Variants in UIMC1 observed in about 807,000 individuals in gnomAD.
UIMC1 encodes the protein BRCA1-A complex subunit RAP80.
UIMC1 carries 42 observed loss-of-function variants against 84.9 expected under a neutral mutation model. That is an observed-to-expected ratio of 0.49 (90% CI 0.39 to 0.64). UIMC1 has a LOEUF of 0.64. Ranked by LOEUF, UIMC1 falls within the 30% of genes least tolerant of loss-of-function variation. The probability of loss-of-function intolerance (pLI) is 0.00; values close to 1 mark genes in which losing one functional copy is unlikely to be tolerated. For missense variants in UIMC1, 825 were observed against 847.6 expected, an observed-to-expected ratio of 0.97 and a Z score of 0.33; for synonymous variants, 281 against 293.0, an observed-to-expected ratio of 0.96 and a Z score of 0.42.
chr5:176,910,772 C>T, intron 11 of UIMC1, among the ~76,000 whole-genome samples: 1 of 152,102 alleles, frequency 6.6e-6, no homozygotes, highest in African/African-American at 2.4e-5. Context: ...AGGCCACCTA[C>T]ACTGACAGAG....
intron 2 of UIMC1, 123 bp from the exon 3 acceptor site, chr5:176,975,603 C>T: frequency 1.2e-6 from 1 of 838,790 alleles, no homozygotes; most frequent in Non-Finnish European, 1.9e-6. Flanking sequence ...TAAATATGCA[C>T]ATAAAACATT....
At position 176,906,811 on chromosome 5, in the gene UIMC1, C is replaced by G. The variant is rs570510995; in HGVS notation, c.1912+303G>C. Among the ~76,000 whole-genome samples, 45 of 152,282 alleles carry G rather than the reference C, an allele frequency of 3.0e-4. 1 individual carries two copies. The South Asian group carries it at 7.1e-3, about 24-fold the overall frequency. On this transcript the variant is annotated intron_variant, in intron 13 of 14. Transcript: ENST00000511320. ...GCACATCTAGTTTACTGTGCCTGTT[C>G]CTTTAGAAGGTATACTTGGGGCTTG...
intron 1 of UIMC1, among the ~76,000 whole-genome samples, chr5:177,004,489 T>C (rs1363610424): frequency 6.6e-6 from 1 of 152,208 alleles, no homozygotes; most frequent in African/African-American, 2.4e-5. Context: ...CTCACTAAAA[T>C]AATGGTCTAT....
At chr5:176,943,633 T>C (rs1764726001) in intron 9 of UIMC1, 145 bp from the exon 10 acceptor site, 1 of 1,007,308 alleles carries the variant, frequency 9.9e-7, no homozygotes. Context: ...GATTGAGAGA[T>C]ACTACTGATA....
chr5:176,969,059 C>CT lies in UIMC1; in HGVS notation c.695dup (p.Pro233AlafsTer18). On this transcript the variant is annotated frameshift_variant, in exon 6 of 15. Coordinates refer to ENST00000511320, the MANE Select transcript of UIMC1 (RefSeq NM_001199298.2). LOFTEE classifies it high-confidence loss of function. Reference sequence around the variant, plus strand: ...AACCCCTCCCAGTACTTTCCTGTGGCTTCCCACACTGTGTGTGCTCAGCCG... The same window carrying CT: ...AACCCCTCCCAGTACTTTCCTGTGGCTTTCCCACACTGTGTGTGCTCAGCCG... The CT allele has an allele frequency of 6.2e-7, 1 of 1,614,228 alleles. No individual in the cohort carries two copies. Among genetic ancestry groups the CT allele is most frequent in the Non-Finnish European group, 8.5e-7 (1 of 1,180,034 alleles).
chr5:176,917,005 A>C (rs1204604699), intron 10 of UIMC1, among the ~76,000 whole-genome samples: 1 of 152,232 alleles, frequency 6.6e-6, no homozygotes, highest in Non-Finnish European at 1.5e-5. Flanking sequence ...TATATATACA[A>C]AGAAGGGAGT....
upstream of UIMC1, among the ~76,000 whole-genome samples, chr5:177,009,795 G>T (rs1230193766): frequency 1.3e-5 from 2 of 152,008 alleles, no homozygotes; most frequent in African/African-American, 4.8e-5. The surrounding 1 kb of genome is among the most constrained non-coding windows in gnomAD (Gnocchi z 4.3). Context: ...AGCATTTTGG[G>T]AGGCCGAGGC....
chr5:176,917,619 T>C (rs181524952), intron 10 of UIMC1, among the ~76,000 whole-genome samples: 6 of 152,278 alleles, frequency 3.9e-5, no homozygotes, highest in Non-Finnish European at 8.8e-5. Context: ...TATCAGTTTC[T>C]GAGACATGTG....
chr5:176,950,237 C>A (rs1233998671), intron 9 of UIMC1, among the ~76,000 whole-genome samples: 1 of 150,336 alleles, frequency 6.7e-6, no homozygotes, highest in East Asian at 2.1e-4. Context: ...ATAGCTGAGA[C>A]TACAGATGCG....
chr5:176,963,411 C>T (rs1421193521), intron 6 of UIMC1, among the ~76,000 whole-genome samples: 2 of 151,646 alleles, frequency 1.3e-5, no homozygotes, highest in African/African-American at 4.8e-5. Context: ...ACCCCAGCTA[C>T]TCAGGAGGCT....
At chr5:176,941,947 A>G (rs964412535) in intron 10 of UIMC1, among the ~76,000 whole-genome samples, 2 of 152,054 alleles carry the variant, frequency 1.3e-5, no homozygotes, top group Non-Finnish European at 2.9e-5. Flanking sequence ...GGGTTCAAGC[A>G]ATTCTCCTGA....
intron 7 of UIMC1, among the ~76,000 whole-genome samples, chr5:176,956,646 T>C (rs1051036783): frequency 6.6e-6 from 1 of 152,088 alleles, no homozygotes; most frequent in African/African-American, 2.4e-5. Context: ...TGACTGCTCA[T>C]GGAGTGCAAT....
At position 176,994,510 on chromosome 5, in the gene UIMC1, T is replaced by TAAA. The variant is rs58699518; in HGVS notation, c.-8-11890_-8-11888dup. The stretch of plus-strand genomic sequence containing the variant: ...CACTTTGGAAAACTGGCAGTTTCTT[T>TAAA]AAAAAAAAAAAAAAAAAAAAAGTAT... On this transcript the variant is annotated intron_variant, in intron 1 of 14. Transcript: ENST00000511320. 6.5e-5 allele frequency among the ~76,000 whole-genome samples: 9 copies of TAAA among 138,344 alleles called. No homozygotes were observed. The South Asian group carries it at 7.0e-4, about 11-fold the overall frequency. 90.8% of individuals were successfully genotyped at this position (138,344 alleles called of 152,430 possible). A position where few individuals can be genotyped will look rare whatever the true frequency, so the allele number is the denominator to read the frequency against.
chr5:176,955,140 C>T (rs918236199), intron 8 of UIMC1, among the ~76,000 whole-genome samples: 1 of 152,100 alleles, frequency 6.6e-6, no homozygotes, highest in African/African-American at 2.4e-5. Flanking sequence ...CAAAATAATG[C>T]TTCATATTAT....
At chr5:176,967,289 C>CAAA (rs145577017) in intron 6 of UIMC1, among the ~76,000 whole-genome samples, 1 of 124,018 alleles carries the variant, frequency 8.1e-6, no homozygotes, top group Non-Finnish European at 1.7e-5. Context: ...TTTTCACATC[C>CAAA]AAAAAAAAAA....
At chr5:176,979,610 A>T (rs1325354333) in intron 2 of UIMC1, among the ~76,000 whole-genome samples, 1 of 152,152 alleles carries the variant, frequency 6.6e-6, no homozygotes, top group Non-Finnish European at 1.5e-5. Flanking sequence ...CTCAAAAAAA[A>T]AAAAAGAAAG....
rs1368080771 is a variant in UIMC1, at chr5:176,905,215, C to T, written c.*67G>A. The T allele has an allele frequency of 1.3e-6, 2 of 1,552,094 alleles. No individual in the cohort carries two copies. The highest frequency in any genetic ancestry group is 1.8e-6 in the Non-Finnish European group (2 of 1,136,874). On this transcript the variant is annotated 3_prime_UTR_variant, in exon 15 of 15. Coordinates refer to ENST00000511320, the MANE Select transcript of UIMC1 (RefSeq NM_001199298.2). ...TTGCTCAACAATGAACTAGGGACCA[C>T]TATGGCTTAATGAACATGGCCCACC...
chr5:176,927,604 T>C (rs1459720363), intron 10 of UIMC1, among the ~76,000 whole-genome samples: 2 of 152,118 alleles, frequency 1.3e-5, no homozygotes, highest in Non-Finnish European at 2.9e-5. Flanking sequence ...AAATTTCACA[T>C]GAAACGCAAT....
At chr5:176,999,836 A>C (rs193025435) in intron 1 of UIMC1, among the ~76,000 whole-genome samples, 17 of 152,314 alleles carry the variant, frequency 1.1e-4, no homozygotes, top group African/African-American at 3.8e-4. Context: ...TATCTTGGCT[A>C]TTGTAAATAG....
Sources: gnomAD v4.1 joint callset for allele counts (sites outside exome capture counted in the v4.1 genomes callset) on GRCh38, gnomAD v4.1.1 for gene constraint, Gnocchi (gnomAD v3.1) non-coding constraint, MANE v1.5 for transcripts, NCBI Gene and HGNC (gene_info 2026-07-23, HGNC 2026-07-21) for gene names.